SEPTIN9: variants seen among roughly 807,000 people sequenced by gnomAD.
SEPTIN9 encodes septin 9.
In SEPTIN9, 13 loss-of-function variants were observed where a neutral mutation model predicts 56.6. The ratio of observed to expected loss-of-function variants is 0.23; its 90% CI spans 0.15 to 0.37. The LOEUF is 0.37. Among genes scored for constraint, SEPTIN9 ranks in the 10% least tolerant of loss-of-function variants. The pLI, the probability that SEPTIN9 is intolerant of heterozygous loss-of-function variation, is 1.00. For synonymous variants in SEPTIN9, 332 were observed against 334.1 expected (o/e 0.99, Z 0.07); for missense variants, 650 against 823.1 (o/e 0.79, Z 2.57).
rs2032751643 is a variant in SEPTIN9, at chr17:77,317,438, A to C, written c.76+10241A>C. Among the ~76,000 whole-genome samples the C allele has an allele frequency of 6.6e-6, 1 of 152,194 alleles. No homozygotes were observed. The highest frequency in any genetic ancestry group is 1.5e-5 in the Non-Finnish European group (1 of 68,040). On this transcript the variant is annotated intron_variant, in intron 2 of 11. Coordinates refer to ENST00000427177, the MANE Select transcript of SEPTIN9 (RefSeq NM_001113491.2). This position sits in a 1 kb window ranked among gnomAD's most constrained non-coding sequence, Gnocchi z 4.2. ...CTGCCCAAGCTCTGCCTCCTGTCTG[A>C]TCAGCCATGGCATTGGATTCTTATA...
At chr17:77,386,833 G>A (rs2035353391) in intron 2 of SEPTIN9, among the ~76,000 whole-genome samples, 1 of 152,210 alleles carries the variant, frequency 6.6e-6, no homozygotes, top group African/African-American at 2.4e-5. Flanking sequence ...TGTGCTGGGG[G>A]CACAGTGCCT....
Position 77,490,253 on chromosome 17 carries a change from C to A in SEPTIN9, c.1263-489C>A, listed in dbSNP as rs560832078. Among the ~76,000 whole-genome samples, 9 of 152,368 alleles carry A rather than the reference C, an allele frequency of 5.9e-5. No individual in the cohort carries two copies. The South Asian group carries it at 1.9e-3, about 32-fold the overall frequency. ...GGGCCCTGCCAGCCCCTGCCACCCA[C>A]AGCTTTCCCCACATCAGACCCCAGG... On this transcript the variant is annotated intron_variant, in intron 7 of 11. Transcript: ENST00000427177.
chr17:77,388,201 A>G (rs542811328), intron 2 of SEPTIN9, among the ~76,000 whole-genome samples: 1 of 152,230 alleles, frequency 6.6e-6, no homozygotes, highest in South Asian at 2.1e-4. Flanking sequence ...GAGTTTCCCA[A>G]TGCGTTGTCT....
intron 2 of SEPTIN9, among the ~76,000 whole-genome samples, chr17:77,316,230 ATGCGCGG>A (rs1401785073): frequency 6.6e-6 from 1 of 152,146 alleles, no homozygotes; most frequent in Non-Finnish European, 1.5e-5. Context: ...TGCTTACACC[ATGCGCGG>A]TGAGAGGTTG....
Position 77,487,334 on chromosome 17 carries a change from A to G in SEPTIN9, c.914-90A>G. On this transcript the variant is annotated intron_variant, in intron 4 of 11. Transcript: ENST00000427177. This position sits in a 1 kb window ranked among gnomAD's most constrained non-coding sequence, Gnocchi z 4.3. ...GGCACTGCTGAATCTCAGACTGGAG[A>G]GCCTCGTGCCTGGGTGGGAGGGGCC... 2 of 1,386,608 alleles carry G rather than the reference A, an allele frequency of 1.4e-6. No homozygotes were observed. The highest frequency in any genetic ancestry group is 3.9e-5 in the Admixed American group (2 of 50,640). The allele number at this position is 1,386,608 out of a possible 1,614,324, so 85.9% of individuals were successfully genotyped here.
intron 2 of SEPTIN9, among the ~76,000 whole-genome samples, chr17:77,398,549 G>A (rs2035799385): frequency 6.6e-6 from 1 of 152,174 alleles, no homozygotes; most frequent in Admixed American, 6.5e-5. Flanking sequence ...CGTGAGCCAG[G>A]GTGGGCACCT....
chr17:77,440,620 T>C (rs2037510375), intron 3 of SEPTIN9, among the ~76,000 whole-genome samples: 1 of 152,212 alleles, frequency 6.6e-6, no homozygotes, highest in African/African-American at 2.4e-5. Flanking sequence ...GCTCCCTTCC[T>C]CTTGGCTCCC....
chr17:77,462,320 C>T (rs1490131190), intron 3 of SEPTIN9, among the ~76,000 whole-genome samples: 3 of 152,204 alleles, frequency 2.0e-5, no homozygotes, highest in Non-Finnish European at 2.9e-5. Flanking sequence ...CGGCTCACTG[C>T]AGCCTTGACT....
chr17:77,402,813 C>T lies in SEPTIN9; in HGVS notation c.721+110C>T, dbSNP rs555741626. The stretch of plus-strand genomic sequence containing the variant: ...GCTGGATATGGGGTGGAGGGTGCTA[C>T]CCTGGAGACCCAGAAAGACCGGAAT... On this transcript the variant is annotated intron_variant, in intron 3 of 11. Transcript: ENST00000427177. The surrounding 1 kb of genome is among the most constrained non-coding windows in gnomAD (Gnocchi z 6.6). The T allele has an allele frequency of 1.1e-4, 121 of 1,150,270 alleles. No individual in the cohort carries two copies. In the African/African-American group the frequency reaches 1.6e-3, roughly 15 times the overall value. 71.3% of individuals were successfully genotyped at this position (1,150,270 alleles called of 1,614,324 possible).
chr17:77,380,267 C>T (rs2035093775), intron 2 of SEPTIN9: 1 of 150,162 alleles, frequency 6.7e-6, no homozygotes, highest in African/African-American at 2.5e-5. Flanking sequence ...CCGCCCCCCC[C>T]CCCACCCATG....
rs144790004 is a variant in SEPTIN9 at position 77,287,468 on chromosome 17, C to T, written c.19+5914C>T. On this transcript the variant is annotated intron_variant, in intron 1 of 11. Transcript: ENST00000427177. Reference sequence around the variant, plus strand: ...TTTCAACTCTCCATGTGGATTTGGTCATTCATTCCAGAAGCGTCTGCCGGG... The same window carrying T: ...TTTCAACTCTCCATGTGGATTTGGTTATTCATTCCAGAAGCGTCTGCCGGG... Among the ~76,000 whole-genome samples, 167 of 152,344 alleles carry T rather than the reference C, an allele frequency of 1.1e-3. 1 individual carries two copies. Among genetic ancestry groups the T allele is most frequent in the Non-Finnish European group, 1.8e-3 (122 of 68,026 alleles).
rs1342810739 is a variant in SEPTIN9 at position 77,435,398 on chromosome 17, T to C, written c.721+32695T>C. On this transcript the variant is annotated intron_variant, in intron 3 of 11. Coordinates refer to ENST00000427177, the MANE Select transcript of SEPTIN9 (RefSeq NM_001113491.2). The surrounding 1 kb of genome is among the most constrained non-coding windows in gnomAD (Gnocchi z 4.5). Reference sequence around the variant, plus strand: ...GTGGCTTCTTGAGGTGGCTCACCCCTAAACACGCCCCCCATGGTGGCTCTG... The same window carrying C: ...GTGGCTTCTTGAGGTGGCTCACCCCCAAACACGCCCCCCATGGTGGCTCTG... 6.6e-6 allele frequency among the ~76,000 whole-genome samples: 1 copy of C among 152,186 alleles called. No homozygotes were observed. The highest frequency in any genetic ancestry group is 1.5e-5 in the Non-Finnish European group (1 of 68,020).
rs1389818803 is a variant in SEPTIN9, at chr17:77,475,036, G to A, written c.722-7108G>A. 6.6e-6 allele frequency among the ~76,000 whole-genome samples: 1 copy of A among 152,092 alleles called. No individual in the cohort carries two copies. Among genetic ancestry groups the A allele is most frequent in the African/African-American group, 2.4e-5 (1 of 41,418 alleles). On this transcript the variant is annotated intron_variant, in intron 3 of 11. Coordinates refer to ENST00000427177, the MANE Select transcript of SEPTIN9 (RefSeq NM_001113491.2). This position sits in a 1 kb window ranked among gnomAD's most constrained non-coding sequence, Gnocchi z 4.6. ...AAATTAGAGTAACGCCTGGCACAGA[G>A]AGCCCCCAGTAAACCTCGGCTGCTG...
At chr17:77,380,516 G>T (rs2035105532) in intron 2 of SEPTIN9, among the ~76,000 whole-genome samples, 2 of 152,070 alleles carry the variant, frequency 1.3e-5, no homozygotes, top group Admixed American at 1.3e-4. Flanking sequence ...AAATCAAGGG[G>T]CCTGGCCTTA....
At chr17:77,342,866 T>C (rs568613157) in intron 2 of SEPTIN9, among the ~76,000 whole-genome samples, 103 of 152,092 alleles carry the variant, frequency 6.8e-4, no homozygotes, top group Admixed American at 1.4e-3. Context: ...TCCAGCTACT[T>C]GGGAGGTTGA....
At chr17:77,477,190 C>T (rs971992636) in intron 3 of SEPTIN9, among the ~76,000 whole-genome samples, 8 of 151,806 alleles carry the variant, frequency 5.3e-5, no homozygotes, top group African/African-American at 9.7e-5. Flanking sequence ...TTACACCATC[C>T]GCCGATTCAG....
chr17:77,461,469 T>G (rs1041611336), intron 3 of SEPTIN9, among the ~76,000 whole-genome samples: 1 of 152,110 alleles, frequency 6.6e-6, no homozygotes, highest in Non-Finnish European at 1.5e-5. Context: ...TGAAAGATGT[T>G]CCTAGACTCG....
At chr17:77,440,685 T>A (rs1026380562) in intron 3 of SEPTIN9, among the ~76,000 whole-genome samples, 3 of 152,252 alleles carry the variant, frequency 2.0e-5, no homozygotes, top group African/African-American at 7.2e-5. Context: ...TGACGCGTGA[T>A]CATCCGCTGG....
intron 7 of SEPTIN9, 138 bp from the exon 8 acceptor site, chr17:77,490,604 C>T (rs1305987682): frequency 2.6e-5 from 18 of 695,038 alleles, no homozygotes; most frequent in African/African-American, 7.0e-5. Flanking sequence ...CGACTCGGCC[C>T]GGGGCCCTGT....
Sources: allele counts gnomAD v4.1 joint callset (sites outside exome capture counted in the v4.1 genomes callset), GRCh38; gene constraint gnomAD v4.1.1; non-coding constraint Gnocchi (gnomAD v3.1); transcripts MANE v1.5; gene names NCBI Gene and HGNC (gene_info 2026-07-23, HGNC 2026-07-21).